Variants in SGCD observed in about 807,000 individuals in gnomAD.
SGCD encodes the protein sarcoglycan delta.
Under a neutral mutation model 36.6 loss-of-function variants are expected in SGCD, and 18 were observed. That is an observed-to-expected ratio of 0.49 (90% CI 0.34 to 0.73). The LOEUF (loss-of-function observed/expected upper bound fraction) is 0.73. Among genes scored for constraint, SGCD ranks in the 30% least tolerant of loss-of-function variants. The probability of loss-of-function intolerance (pLI) is 0.01; values close to 1 mark genes in which losing one functional copy is unlikely to be tolerated. For missense variants in SGCD, 387 were observed against 346.7 expected, an observed-to-expected ratio of 1.12 and a Z score of -0.92; for synonymous variants, 133 against 130.6, an observed-to-expected ratio of 1.02 and a Z score of -0.12.
intron 3 of SGCD, among the ~76,000 whole-genome samples, chr5:156,195,036 A>G (rs1763989821): frequency 6.6e-6 from 1 of 152,202 alleles, no homozygotes; most frequent in Admixed American, 6.5e-5. Context: ...ACAGAAACAG[A>G]CTAAGAAAAT....
chr5:155,962,442 G>T (rs375831047), intron 1 of SGCD, among the ~76,000 whole-genome samples: 3 of 152,058 alleles, frequency 2.0e-5, no homozygotes, highest in Admixed American at 6.6e-5. Flanking sequence ...CTGAGGACTC[G>T]CATTGCCCTC....
chr5:156,635,680 A>G (rs969320124), intron 6 of SGCD, among the ~76,000 whole-genome samples: 57 of 152,150 alleles, frequency 3.7e-4, no homozygotes, highest in African/African-American at 1.3e-3. Flanking sequence ...TGTGGCACCT[A>G]TACACCATGG....
At position 156,758,976 on chromosome 5, in the gene SGCD, A is replaced by AT. The variant is rs562170881; in HGVS notation, c.700-234dup. Among the ~76,000 whole-genome samples the AT allele has an allele frequency of 6.8e-3, 1,033 of 152,238 alleles. 5 individuals are homozygous for AT. Among genetic ancestry groups the AT allele is most frequent in the Non-Finnish European group, 0.012 (786 of 68,002 alleles). On this transcript the variant is annotated intron_variant, in intron 8 of 8. Coordinates refer to ENST00000337851, the MANE Select transcript of SGCD (RefSeq NM_000337.6). ...GGACTCTATTTACATTCTGTATGAC[A>AT]TTTTTTTGCAAAATGCTAACATAGA...
chr5:156,407,517 A>G (rs1217723918), intron 3 of SGCD, among the ~76,000 whole-genome samples: 2 of 152,244 alleles, frequency 1.3e-5, no homozygotes, highest in African/African-American at 4.8e-5. Flanking sequence ...AAAATGTTGA[A>G]CAAACTTGAG....
At chr5:156,721,631 C>A (rs157680) in intron 7 of SGCD, among the ~76,000 whole-genome samples, 122,738 of 152,148 alleles carry the variant, frequency 0.81, 49,700 homozygotes, top group East Asian at 0.96. Context: ...CATCTGCATG[C>A]AGATTAGAGT....
chr5:156,621,651 GATTA>G (rs756939108), intron 6 of SGCD, among the ~76,000 whole-genome samples: 1 of 152,238 alleles, frequency 6.6e-6, no homozygotes, highest in Non-Finnish European at 1.5e-5. Flanking sequence ...AGACTGGAAG[GATTA>G]ATTAATCAGT....
chr5:155,785,152 C>T, the SGCD span, among the ~76,000 whole-genome samples: 3 of 152,192 alleles, frequency 2.0e-5, no homozygotes, highest in East Asian at 1.9e-4. Context: ...AAATATCTGA[C>T]AGACCATAAT....
At chr5:156,607,782 A>G (rs1016495932) in intron 6 of SGCD, among the ~76,000 whole-genome samples, 1 of 152,096 alleles carries the variant, frequency 6.6e-6, no homozygotes, top group African/African-American at 2.4e-5. Flanking sequence ...GGGAGGGTGT[A>G]TGTGTCCAGG....
At chr5:156,750,353 G>A (rs936796981) in intron 7 of SGCD, among the ~76,000 whole-genome samples, 5 of 152,048 alleles carry the variant, frequency 3.3e-5, no homozygotes, top group Non-Finnish European at 7.4e-5. Flanking sequence ...TGTATTGTAT[G>A]GTTCTAGACA....
At position 156,051,426 on chromosome 5, in the gene SGCD, G is replaced by A. The variant is rs953559213; in HGVS notation, c.-281-66452G>A. ...ATGCAAATTTATATTTGACCACATG[G>A]AGAGAGATGGGAGCTGTCTGCTTTT... is the stretch of plus-strand genomic sequence containing the variant. On this transcript the variant is annotated intron_variant, in intron 1 of 9. Transcript: ENST00000517913. 4.8e-5 allele frequency among the ~76,000 whole-genome samples: 7 copies of A among 146,386 alleles called. 2 individuals are homozygous for A. The highest frequency in any genetic ancestry group is 7.7e-5 in the Non-Finnish European group (5 of 64,902).
Position 156,219,349 on chromosome 5 carries a change from G to A in SGCD, c.-44+95330G>A, listed in dbSNP as rs144758650. Among the ~76,000 whole-genome samples, 312 of 152,198 alleles carry A rather than the reference G, an allele frequency of 2.0e-3. 2 individuals are homozygous for A. The highest frequency in any genetic ancestry group is 3.0e-3 in the Non-Finnish European group (207 of 68,002). ...TCAATTTGTTAAAAATAAACACATC[G>A]ATCATGTACATATAAATACACATAT... On this transcript the variant is annotated intron_variant, in intron 3 of 9. Coordinates refer to the SGCD transcript ENST00000517913.
In SGCD at chr5:156,120,540, A is replaced by G. The variant is rs535144395; in HGVS notation, c.-208+2589A>G. Among the ~76,000 whole-genome samples the G allele has an allele frequency of 5.9e-5, 9 of 152,298 alleles. 1 individual carries two copies. Among genetic ancestry groups the G allele is most frequent in the Admixed American group, 5.9e-4 (9 of 15,290 alleles). On this transcript the variant is annotated intron_variant, in intron 2 of 9. Transcript: ENST00000517913. ...TCTACCATATCCCCAGTCTTTAACA[A>G]AGTGCATGGCAAAGATTATATATTT...
intron 3 of SGCD, among the ~76,000 whole-genome samples, chr5:156,320,443 T>C (rs899526109): frequency 2.6e-5 from 4 of 152,210 alleles, no homozygotes; most frequent in Non-Finnish European, 5.9e-5. Flanking sequence ...TAAGAAGCTA[T>C]AATGCAATAA....
At chr5:156,167,205 A>G (rs561290507) in intron 3 of SGCD, among the ~76,000 whole-genome samples, 6 of 152,116 alleles carry the variant, frequency 3.9e-5, no homozygotes, top group East Asian at 1.9e-4. Context: ...GACAATCCGC[A>G]TATGTTCCCC....
intron 3 of SGCD, among the ~76,000 whole-genome samples, chr5:156,462,789 T>C (rs987426595): frequency 6.6e-6 from 1 of 152,158 alleles, no homozygotes; most frequent in African/African-American, 2.4e-5. Flanking sequence ...ACAAAAGTAA[T>C]TGCAGTTTTG....
chr5:155,978,352 T>C (rs1196879519), intron 1 of SGCD, among the ~76,000 whole-genome samples: 2 of 152,184 alleles, frequency 1.3e-5, no homozygotes, highest in Admixed American at 6.5e-5. Flanking sequence ...GTACCTGTGG[T>C]TGGAGTGGGA....
In SGCD at chr5:156,451,032, C is replaced by T. The variant is rs552428076; in HGVS notation, c.193-57569C>T. Among the ~76,000 whole-genome samples, 7 of 151,846 alleles carry T rather than the reference C, an allele frequency of 4.6e-5. No homozygotes were observed. The East Asian group carries it at 1.4e-3, about 29-fold the overall frequency. ...GACAGTCCATGTACTTTCTTTTTTC[C>T]TTTCTTCCATCTCTCCCCTCCCTTC... On this transcript the variant is annotated intron_variant, in intron 3 of 8. Transcript: ENST00000337851.
intron 3 of SGCD, among the ~76,000 whole-genome samples, chr5:156,127,760 G>A (rs138050839): frequency 2.2e-4 from 32 of 145,114 alleles, no homozygotes; most frequent in East Asian, 6.1e-4. Context: ...CAAAACAGCC[G>A]GATATTTATG....
Position 156,122,843 on chromosome 5 carries a change from TAAAAAAAAAAAAAAAAAAAAAA to T in SGCD, c.-207-993_-207-972del, listed in dbSNP as rs33983852. Among the ~76,000 whole-genome samples, 502 of 54,160 alleles carry T rather than the reference TAAAAAAAAAAAAAAAAAAAAAA, an allele frequency of 9.3e-3. 13 individuals carry two copies. Among genetic ancestry groups the T allele is most frequent in the African/African-American group, 0.029 (364 of 12,344 alleles). 35.5% of individuals were successfully genotyped at this position (54,160 alleles called of 152,430 possible). ...ACCAGCATGGTAGTAAAAGATGTGGTAAAAAAAAAAAAAAAAAAAAAAAAAAAAAAAAAAAAAAAAAGGTCAG... is the reference window on the plus strand; with the variant it reads ...ACCAGCATGGTAGTAAAAGATGTGGTAAAAAAAAAAAAAAAAAAAGGTCAG... On this transcript the variant is annotated intron_variant, in intron 2 of 9. Coordinates refer to the SGCD transcript ENST00000517913.
Sources: allele counts gnomAD v4.1 joint callset (sites outside exome capture counted in the v4.1 genomes callset), GRCh38; gene constraint gnomAD v4.1.1; transcripts MANE v1.5; gene names NCBI Gene and HGNC (gene_info 2026-07-23, HGNC 2026-07-21).